The following ZC3H18 variants were observed in gnomAD, a reference collection of about 807,000 sequenced individuals.
The protein encoded by ZC3H18 is zinc finger CCCH domain-containing protein 18.
Under a neutral mutation model 106.1 loss-of-function variants are expected in ZC3H18, and 8 were observed. That is an observed-to-expected ratio of 0.08 (90% confidence interval 0.04 to 0.14). ZC3H18 has a LOEUF of 0.14. ZC3H18 is among the 10% of genes least tolerant of loss of function. ZC3H18 has a pLI of 1.00. For missense variants in ZC3H18, 1,318 were observed against 1,278.4 expected (o/e 1.03, Z -0.47); for synonymous variants, 635 against 522.1 (o/e 1.22, Z -2.95).
At chr16:88,583,094 G>A (rs1048776392) in intron 2 of ZC3H18, among the ~76,000 whole-genome samples, 1 of 152,254 alleles carries the variant, frequency 6.6e-6, no homozygotes, top group Admixed American at 6.5e-5. Context: ...CCCGGGGCCC[G>A]GCTGCTCGGC....
Position 88,631,499 on chromosome 16 carries a change from C to A in ZC3H18, c.*200C>A. 1 of 733,680 alleles carries A rather than the reference C, an allele frequency of 1.4e-6. No homozygotes were observed. Among genetic ancestry groups the A allele is most frequent in the Non-Finnish European group, 2.3e-6 (1 of 432,212 alleles). The allele number at this position is 733,680 out of a possible 1,614,324, so 45.4% of individuals were successfully genotyped here. On this transcript the variant is annotated 3_prime_UTR_variant, in exon 18 of 18. Transcript: ENST00000301011. ...AGCCTCCCTCCCCAGAGCAGAAGTC[C>A]CGCAGGACAGACAGACACAGACAGC...
intron 2 of ZC3H18, among the ~76,000 whole-genome samples, chr16:88,580,848 T>C (rs907450070): frequency 6.6e-6 from 1 of 152,208 alleles, no homozygotes; most frequent in Non-Finnish European, 1.5e-5. Context: ...ATTTTTCTCG[T>C]TGCTTTCAAG....
At chr16:88,574,085 G>A (rs1272270775) in intron 1 of ZC3H18, among the ~76,000 whole-genome samples, 1 of 151,972 alleles carries the variant, frequency 6.6e-6, no homozygotes, top group Admixed American at 6.6e-5. Context: ...ATTTTGACCG[G>A]GCTTGTCCTG....
At chr16:88,590,153 A>G (rs1327788345) in intron 3 of ZC3H18, among the ~76,000 whole-genome samples, 4 of 152,094 alleles carry the variant, frequency 2.6e-5, no homozygotes, top group Non-Finnish European at 5.9e-5. Context: ...GGATCTCACT[A>G]TATTGCTCAG....
intron 6 of ZC3H18, among the ~76,000 whole-genome samples, chr16:88,603,989 C>T (rs938840060): frequency 6.6e-6 from 1 of 151,992 alleles, no homozygotes; most frequent in Admixed American, 6.6e-5. Flanking sequence ...CACTCTGATT[C>T]GCAGCTTTAA....
intron 12 of ZC3H18, 22 bp downstream of exon 12, chr16:88,624,767 G>A (rs1179130950): frequency 5.0e-6 from 8 of 1,593,308 alleles, no homozygotes; most frequent in Non-Finnish European, 6.8e-6. Flanking sequence ...GGCGTCCGGG[G>A]CCCTCAGGCT....
intron 7 of ZC3H18, 43 bp downstream of exon 7, chr16:88,609,094 T>C: frequency 6.8e-7 from 1 of 1,472,994 alleles, no homozygotes; most frequent in South Asian, 1.2e-5. Flanking sequence ...TCATGATCTG[T>C]TCATTCAAGT....
chr16:88,609,793 G>T (rs1282243046), intron 7 of ZC3H18, among the ~76,000 whole-genome samples: 1 of 122,246 alleles, frequency 8.2e-6, no homozygotes, highest in East Asian at 2.7e-4. Flanking sequence ...TAGAGACAGG[G>T]TTTTGCCGTG....
At chr16:88,617,503 C>CACGTCATT (rs377403394) in intron 8 of ZC3H18, among the ~76,000 whole-genome samples, 10 of 152,272 alleles carry the variant, frequency 6.6e-5, no homozygotes, top group African/African-American at 2.2e-4. Context: ...ACCGCCGAGG[C>CACGTCATT]ACGTCATTAC....
At chr16:88,572,045 C>T (rs902633958) in intron 1 of ZC3H18, among the ~76,000 whole-genome samples, 2 of 152,206 alleles carry the variant, frequency 1.3e-5, no homozygotes, top group African/African-American at 4.8e-5. Context: ...AGTCACCCTC[C>T]AGGTTTGACC....
At chr16:88,587,230 T>C (rs534200838) in intron 3 of ZC3H18, among the ~76,000 whole-genome samples, 6 of 152,174 alleles carry the variant, frequency 3.9e-5, no homozygotes, top group African/African-American at 7.2e-5. Flanking sequence ...TAAGAAAGTG[T>C]CAGAAAAGTC....
At chr16:88,594,463 C>G (rs908536286) in intron 3 of ZC3H18, among the ~76,000 whole-genome samples, 8 of 152,170 alleles carry the variant, frequency 5.3e-5, no homozygotes, top group Non-Finnish European at 1.2e-4. Flanking sequence ...ATGAGCTGAG[C>G]CTCAGTTCCT....
Position 88,608,925 on chromosome 16 carries a change from C to G in ZC3H18, c.1089-9C>G. The G allele has an allele frequency of 6.2e-7, 1 of 1,605,282 alleles. No individual in the cohort carries two copies. Among genetic ancestry groups the G allele is most frequent in the Non-Finnish European group, 8.5e-7 (1 of 1,175,528 alleles). ...GTGATGAGAGTTCTTTTTCATTGGCCCTTTTCAGACTCGAGCCTTACGCAG... is the reference window on the plus strand; with the variant it reads ...GTGATGAGAGTTCTTTTTCATTGGCGCTTTTCAGACTCGAGCCTTACGCAG... On this transcript the variant is annotated splice_polypyrimidine_tract_variant and intron_variant, in intron 6 of 17. Transcript: ENST00000301011.
chr16:88,575,817 G>C (rs576734579), intron 1 of ZC3H18, among the ~76,000 whole-genome samples: 1 of 151,730 alleles, frequency 6.6e-6, no homozygotes, highest in South Asian at 2.1e-4. Context: ...GGGCTTAAGC[G>C]ATCCTCCTGC....
At chr16:88,589,215 C>G in intron 3 of ZC3H18, among the ~76,000 whole-genome samples, 1 of 152,220 alleles carries the variant, frequency 6.6e-6, no homozygotes, top group East Asian at 1.9e-4. Context: ...CCCTCATTCA[C>G]TGCTCGTGAG....
chr16:88,624,458 A>G, intron 11 of ZC3H18, 144 bp from the exon 12 acceptor site: 1 of 1,287,388 alleles, frequency 7.8e-7, no homozygotes, highest in Non-Finnish European at 1.1e-6. Context: ...ATGGGTGGGG[A>G]GCCGTGTCCA....
chr16:88,610,535 G>T (rs146594626), intron 7 of ZC3H18, among the ~76,000 whole-genome samples: 217 of 152,360 alleles, frequency 1.4e-3, no homozygotes, highest in African/African-American at 5.1e-3. Context: ...GTTCCTCTCT[G>T]CTGTGTCCGA....
intron 9 of ZC3H18, 105 bp downstream of exon 9, chr16:88,622,493 T>C: frequency 7.6e-7 from 1 of 1,310,374 alleles, no homozygotes; most frequent in Non-Finnish European, 1.0e-6. Flanking sequence ...CCCCACTGTT[T>C]GCTGTGGCGT....
At chr16:88,588,515 T>C (rs1017987924) in intron 3 of ZC3H18, among the ~76,000 whole-genome samples, 1 of 152,084 alleles carries the variant, frequency 6.6e-6, no homozygotes, top group East Asian at 1.9e-4. Flanking sequence ...ATTCCCTTCA[T>C]TGGGAGATGC....
Sources: gnomAD v4.1 joint callset for allele counts (sites outside exome capture counted in the v4.1 genomes callset) on GRCh38, gnomAD v4.1.1 for gene constraint, MANE v1.5 for transcripts, NCBI Gene and HGNC (gene_info 2026-07-23, HGNC 2026-07-21) for gene names.